Variants in VPS13B observed in about 807,000 individuals in gnomAD.
VPS13B encodes vacuolar protein sorting 13 homolog B.
A neutral mutation model predicts 426.4 loss-of-function variants in VPS13B; 285 were observed. The observed-to-expected ratio is 0.67, with a 90% CI of 0.61 to 0.74. The LOEUF (loss-of-function observed/expected upper bound fraction) is 0.74, where lower values mean the gene tolerates loss of function less well. VPS13B is among the 30% of genes least tolerant of loss of function. VPS13B has a pLI of 0.00. For missense variants in VPS13B, 4,537 were observed against 4,782.6 expected, an observed-to-expected ratio of 0.95 and a Z score of 1.51; for synonymous variants, 1,676 against 1,676.4, an observed-to-expected ratio of 1.00 and a Z score of 0.01.
intron 33 of VPS13B, among the ~76,000 whole-genome samples, chr8:99,635,298 G>A (rs184359156): frequency 9.0e-4 from 137 of 152,020 alleles, no homozygotes; most frequent in African/African-American, 3.1e-3. Flanking sequence ...AGATGTGATT[G>A]TCACTTTGAT....
At chr8:99,178,357 A>C (rs1186516456) in intron 16 of VPS13B, among the ~76,000 whole-genome samples, 1 of 145,964 alleles carries the variant, frequency 6.9e-6, no homozygotes, top group African/African-American at 2.5e-5. Flanking sequence ...CCATATTCAA[A>C]AGATCAGATA....
chr8:99,106,820 C>T (rs1248493311), intron 5 of VPS13B, among the ~76,000 whole-genome samples: 1 of 152,160 alleles, frequency 6.6e-6, no homozygotes, highest in East Asian at 1.9e-4. Flanking sequence ...ATCAGGTGAG[C>T]AAGGGTTGGG....
chr8:99,537,393 A>G (rs747499253), intron 30 of VPS13B, among the ~76,000 whole-genome samples: 1 of 152,206 alleles, frequency 6.6e-6, no homozygotes, highest in African/African-American at 2.4e-5. Flanking sequence ...CTATAATAAA[A>G]TAGTTAAATC....
intron 25 of VPS13B, among the ~76,000 whole-genome samples, chr8:99,494,833 T>C (rs963940495): frequency 3.9e-5 from 6 of 152,150 alleles, no homozygotes; most frequent in South Asian, 2.1e-4. Context: ...TAACATTCTT[T>C]TGGCTGTAAG....
chr8:99,418,515 C>CTTTCTTG (rs1554779655), intron 21 of VPS13B, among the ~76,000 whole-genome samples: 19 of 82,232 alleles, frequency 2.3e-4, no homozygotes, highest in African/African-American at 8.8e-4. Flanking sequence ...TTCTTTCTTT[C>CTTTCTTG]CTTTCTTTCT....
At chr8:99,399,604 C>T (rs921435552) in intron 21 of VPS13B, among the ~76,000 whole-genome samples, 4 of 152,078 alleles carry the variant, frequency 2.6e-5, no homozygotes, top group African/African-American at 7.2e-5. Context: ...AAGCATCCTT[C>T]GGTCATCTCA....
chr8:99,449,136 T>A (rs1021240037), intron 23 of VPS13B, among the ~76,000 whole-genome samples: 3 of 152,136 alleles, frequency 2.0e-5, no homozygotes, highest in Admixed American at 2.0e-4. Context: ...TGGTAATAGA[T>A]ACTGGGACAG....
chr8:99,766,645 C>A, intron 39 of VPS13B, 129 bp from the exon 40 acceptor site: 1 of 776,838 alleles, frequency 1.3e-6, no homozygotes. Context: ...AAACTACTGT[C>A]TTTTATAACC....
chr8:99,177,885 G>A (rs1038043047), intron 16 of VPS13B, among the ~76,000 whole-genome samples: 2 of 152,170 alleles, frequency 1.3e-5, no homozygotes, highest in Non-Finnish European at 2.9e-5. Flanking sequence ...CCTGTGCACA[G>A]CAGTGGGAAA....
intron 27 of VPS13B, 140 bp from the exon 28 acceptor site, chr8:99,506,997 T>C (rs1821534660): frequency 6.0e-6 from 5 of 833,084 alleles, no homozygotes; most frequent in African/African-American, 1.7e-5. Flanking sequence ...TAAATTGTTC[T>C]ATTGATTGCA....
chr8:99,607,847 TA>T (rs1297846816), intron 33 of VPS13B, among the ~76,000 whole-genome samples: 1 of 152,084 alleles, frequency 6.6e-6, no homozygotes, highest in East Asian at 1.9e-4. Context: ...GATGTAAACA[TA>T]AATAACAGTC....
chr8:99,460,544 C>G (rs1352469908), intron 23 of VPS13B, among the ~76,000 whole-genome samples: 1 of 152,108 alleles, frequency 6.6e-6, no homozygotes, highest in Non-Finnish European at 1.5e-5. Flanking sequence ...ATTTGTCATA[C>G]CCAGTGCTCT....
intron 30 of VPS13B, among the ~76,000 whole-genome samples, chr8:99,550,668 A>G (rs1231745975): frequency 6.6e-6 from 1 of 151,162 alleles, no homozygotes; most frequent in Non-Finnish European, 1.5e-5. Context: ...AGACTTTTTT[A>G]TTTGCTAAAA....
chr8:99,125,120 T>C (rs1195017407), intron 8 of VPS13B, among the ~76,000 whole-genome samples: 1 of 152,184 alleles, frequency 6.6e-6, no homozygotes, highest in Non-Finnish European at 1.5e-5. Context: ...ATAGGCCGTC[T>C]GCAAGTTGAG....
intron 35 of VPS13B, among the ~76,000 whole-genome samples, chr8:99,664,908 G>C (rs1189694532): frequency 6.6e-6 from 1 of 152,166 alleles, no homozygotes; most frequent in Admixed American, 6.5e-5. Context: ...CTTCCACAAT[G>C]GTTTAACTAG....
intron 17 of VPS13B, among the ~76,000 whole-genome samples, chr8:99,206,110 T>C (rs1814703612): frequency 6.6e-6 from 1 of 152,176 alleles, no homozygotes. Flanking sequence ...TGCGAGAAGA[T>C]TAAATATAAA....
chr8:99,569,064 C>T (rs1033275331), intron 31 of VPS13B, among the ~76,000 whole-genome samples: 2 of 151,804 alleles, frequency 1.3e-5, no homozygotes, highest in South Asian at 2.1e-4. Context: ...CCTCGTGATC[C>T]GCCTGCCTCG....
intron 3 of VPS13B, among the ~76,000 whole-genome samples, chr8:99,078,338 C>T (rs1315438333): frequency 6.9e-6 from 1 of 145,084 alleles, no homozygotes; most frequent in African/African-American, 2.6e-5. Flanking sequence ...CTTATAGATG[C>T]ATCTATTATG....
intron 30 of VPS13B, among the ~76,000 whole-genome samples, chr8:99,524,673 A>G (rs892327422): frequency 6.6e-6 from 1 of 152,192 alleles, no homozygotes; most frequent in Non-Finnish European, 1.5e-5. Context: ...ACACGCCTGT[A>G]GTCCCACTGT....
Sources: gnomAD v4.1 joint callset for allele counts (sites outside exome capture counted in the v4.1 genomes callset) on GRCh38, gnomAD v4.1.1 for gene constraint, MANE v1.5 for transcripts, NCBI Gene and HGNC (gene_info 2026-07-23, HGNC 2026-07-21) for gene names.